Variants in LAPTM4B observed in about 807,000 individuals in gnomAD.
The protein encoded by LAPTM4B is lysosomal-associated transmembrane protein 4B.
Under a neutral mutation model 28.5 loss-of-function variants are expected in LAPTM4B, and 26 were observed. The ratio of observed to expected loss-of-function variants is 0.91; its 90% CI spans 0.67 to 1.27. The LOEUF is 1.27. LAPTM4B is among the 50% of genes most tolerant of loss of function. LAPTM4B has a pLI of 0.00. For synonymous variants in LAPTM4B, 109 were observed against 106.4 expected, an observed-to-expected ratio of 1.02 and a Z score of -0.15; for missense variants, 288 against 285.8, an observed-to-expected ratio of 1.01 and a Z score of -0.06.
chr8:97,786,842 G>A (rs1816410947), intron 1 of LAPTM4B, among the ~76,000 whole-genome samples: 2 of 152,134 alleles, frequency 1.3e-5, no homozygotes, highest in African/African-American at 4.8e-5. Flanking sequence ...GTGGGCCTGG[G>A]GGTTGCAAAA....
At chr8:97,806,733 G>A (rs1168438035) in intron 2 of LAPTM4B, among the ~76,000 whole-genome samples, 1 of 152,166 alleles carries the variant, frequency 6.6e-6, no homozygotes, top group East Asian at 1.9e-4. Context: ...GAGGCTGGCA[G>A]ATCAGCTGAG....
intron 4 of LAPTM4B, among the ~76,000 whole-genome samples, chr8:97,816,868 A>G (rs1039481434): frequency 6.6e-6 from 1 of 152,050 alleles, no homozygotes; most frequent in Non-Finnish European, 1.5e-5. Flanking sequence ...TGAACCTGGG[A>G]GGTGGAGGCT....
chr8:97,843,570 G>A (rs1393021282), intron 6 of LAPTM4B, among the ~76,000 whole-genome samples: 1 of 152,128 alleles, frequency 6.6e-6, no homozygotes, highest in African/African-American at 2.4e-5. Context: ...CTGAGGTTAG[G>A]AGTTTGAGAG....
intron 6 of LAPTM4B, among the ~76,000 whole-genome samples, chr8:97,844,063 G>A (rs1401640970): frequency 6.7e-6 from 1 of 148,634 alleles, no homozygotes. Flanking sequence ...TTAACACTCA[G>A]TTGTCTTATT....
chr8:97,778,374 A>G (rs1006202464), intron 1 of LAPTM4B, among the ~76,000 whole-genome samples: 6 of 150,502 alleles, frequency 4.0e-5, no homozygotes, highest in African/African-American at 1.5e-4. Flanking sequence ...GTGATACCCT[A>G]CCTTGTTTTA....
chr8:97,816,213 A>G (rs1816911905), intron 4 of LAPTM4B, 33 bp downstream of exon 4: 3 of 1,575,984 alleles, frequency 1.9e-6, no homozygotes, highest in African/African-American at 2.7e-5. Flanking sequence ...CTTTTCATTA[A>G]TTCTTTTCAT....
Position 97,812,769 on chromosome 8 carries a change from A to G in LAPTM4B, c.212-2559A>G, listed in dbSNP as rs113399654. On this transcript the variant is annotated intron_variant, in intron 2 of 6. Transcript: ENST00000521545. Reference sequence around the variant, plus strand: ...TCAGAGTGGGAGGCACCCTCACTCTACTTCCCTCTTTGTGATCTCATTCCC... The same window carrying G: ...TCAGAGTGGGAGGCACCCTCACTCTGCTTCCCTCTTTGTGATCTCATTCCC... Among the ~76,000 whole-genome samples the G allele has an allele frequency of 2.6e-3, 394 of 152,258 alleles. 1 individual carries two copies. Among genetic ancestry groups the G allele is most frequent in the African/African-American group, 8.3e-3 (346 of 41,550 alleles).
chr8:97,843,662 C>T (rs759590176), intron 6 of LAPTM4B, among the ~76,000 whole-genome samples: 9 of 152,064 alleles, frequency 5.9e-5, no homozygotes, highest in Non-Finnish European at 1.3e-4. Context: ...TGCATGTAAT[C>T]CCAGCTACTT....
chr8:97,822,480 A>G (rs899421765), intron 5 of LAPTM4B, among the ~76,000 whole-genome samples: 1 of 151,978 alleles, frequency 6.6e-6, no homozygotes, highest in Non-Finnish European at 1.5e-5. Context: ...CCCACATCAC[A>G]TTTTGAGTCA....
chr8:97,817,156 G>A (rs750542266), intron 4 of LAPTM4B, among the ~76,000 whole-genome samples: 4 of 151,974 alleles, frequency 2.6e-5, no homozygotes, highest in Non-Finnish European at 4.4e-5. Context: ...TTATTTTTGG[G>A]ACAGGGTCTC....
intron 6 of LAPTM4B, among the ~76,000 whole-genome samples, chr8:97,843,716 G>C (rs1036036799): frequency 6.6e-6 from 1 of 151,898 alleles, no homozygotes; most frequent in Admixed American, 6.6e-5. Context: ...GGAGACAGAG[G>C]TTGCATGAGC....
At chr8:97,815,945 A>G in intron 3 of LAPTM4B, 113 bp from the exon 4 acceptor site, 1 of 1,022,908 alleles carries the variant, frequency 9.8e-7, no homozygotes, top group Non-Finnish European at 1.4e-6. Flanking sequence ...GACCTGGGTT[A>G]ATGAATTCCA....
chr8:97,837,272 A>G (rs2512074), intron 6 of LAPTM4B, among the ~76,000 whole-genome samples: 58,796 of 148,340 alleles, frequency 0.4, 12,636 homozygotes, highest in Middle Eastern at 0.52. Context: ...GGCTCACTGC[A>G]GCCTCTGCTT....
At chr8:97,844,571 G>A (rs1262763826) in intron 6 of LAPTM4B, among the ~76,000 whole-genome samples, 1 of 152,170 alleles carries the variant, frequency 6.6e-6, no homozygotes, top group Non-Finnish European at 1.5e-5. Context: ...CATTGTGGAG[G>A]TGGGGTTTCA....
chr8:97,829,636 C>G (rs889881178), intron 6 of LAPTM4B, among the ~76,000 whole-genome samples: 4 of 151,644 alleles, frequency 2.6e-5, no homozygotes, highest in African/African-American at 7.3e-5. Context: ...GGGAGAAGAG[C>G]AGCAGCCTGT....
chr8:97,789,300 C>T (rs151254140), intron 1 of LAPTM4B, among the ~76,000 whole-genome samples: 73 of 150,284 alleles, frequency 4.9e-4, no homozygotes, highest in African/African-American at 1.8e-3. Context: ...GTCTTGAATC[C>T]CTACCTTAGG....
intron 6 of LAPTM4B, among the ~76,000 whole-genome samples, chr8:97,848,753 TGTG>T (rs1429681502): frequency 1.3e-5 from 2 of 152,228 alleles, no homozygotes; most frequent in African/African-American, 2.4e-5. Context: ...GGTGGGGCAT[TGTG>T]GTGAAGCTCA....
chr8:97,794,967 C>G (rs1023025359), intron 1 of LAPTM4B, among the ~76,000 whole-genome samples: 1 of 152,256 alleles, frequency 6.6e-6, no homozygotes, highest in South Asian at 2.1e-4. Flanking sequence ...CTGCCTCAGC[C>G]TCCCAAAGTG....
Position 97,791,350 on chromosome 8 carries a change from G to C in LAPTM4B, c.100-14003G>C, listed in dbSNP as rs367850417. Among the ~76,000 whole-genome samples, 22 of 152,290 alleles carry C rather than the reference G, an allele frequency of 1.4e-4. 1 individual carries two copies. The highest frequency in any genetic ancestry group is 5.1e-4 in the African/African-American group (21 of 41,578). ...CAGTCATTTTCTGCCTCCACACCCT[G>C]TCCCTCCATGTCTCCCAGTAGGTCT... On this transcript the variant is annotated intron_variant, in intron 1 of 6. Transcript: ENST00000521545.
Sources: gnomAD v4.1 joint callset for allele counts (sites outside exome capture counted in the v4.1 genomes callset) on GRCh38, gnomAD v4.1.1 for gene constraint, MANE v1.5 for transcripts, NCBI Gene and HGNC (gene_info 2026-07-23, HGNC 2026-07-21) for gene names.